PRKN: variants seen among roughly 807,000 people sequenced by gnomAD.
PRKN encodes the protein E3 ubiquitin-protein ligase parkin.
In PRKN, 56 loss-of-function variants were observed where a neutral mutation model predicts 59.5. That is an observed-to-expected ratio of 0.94 (90% CI 0.76 to 1.18). PRKN has a LOEUF of 1.18. Ranked by LOEUF, PRKN falls within the 50% of genes most tolerant of loss-of-function variation. The pLI, the probability that PRKN is intolerant of heterozygous loss-of-function variation, is 0.00. For synonymous variants in PRKN, 250 were observed against 222.1 expected, an observed-to-expected ratio of 1.13 and a Z score of -1.12; for missense variants, 657 against 596.4, an observed-to-expected ratio of 1.10 and a Z score of -1.06.
At chr6:162,016,427 T>G (rs1782937169) in intron 5 of PRKN, among the ~76,000 whole-genome samples, 1 of 152,114 alleles carries the variant, frequency 6.6e-6, no homozygotes, top group Admixed American at 6.5e-5. Context: ...TCCTCCTGTC[T>G]TTCTTCTTGT....
At chr6:162,221,025 A>C (rs2128080664) in intron 3 of PRKN, among the ~76,000 whole-genome samples, 1 of 152,194 alleles carries the variant, frequency 6.6e-6, no homozygotes, top group East Asian at 1.9e-4. Context: ...AAGAGCGGAG[A>C]ATGGTAATGT....
intron 2 of PRKN, among the ~76,000 whole-genome samples, chr6:162,281,205 G>A (rs1214753443): frequency 6.6e-6 from 1 of 151,028 alleles, no homozygotes; most frequent in African/African-American, 2.4e-5. Context: ...TCATAGGTGG[G>A]AATTGAACAA....
intron 3 of PRKN, among the ~76,000 whole-genome samples, chr6:162,226,094 T>C (rs1185775363): frequency 1.2e-5 from 1 of 80,874 alleles, no homozygotes. Flanking sequence ...ATAATAATAA[T>C]AATAAAATTA....
intron 7 of PRKN, among the ~76,000 whole-genome samples, chr6:161,594,445 A>G (rs1781842209): frequency 6.6e-6 from 1 of 152,216 alleles, no homozygotes. Flanking sequence ...TTTCAAGAAG[A>G]GTGGCAGGCC....
intron 1 of PRKN, among the ~76,000 whole-genome samples, chr6:162,479,327 G>A (rs1049289520): frequency 2.6e-5 from 4 of 151,950 alleles, no homozygotes; most frequent in Non-Finnish European, 4.4e-5. Context: ...CCAGGTTCAG[G>A]AGATTCTCCT....
At chr6:162,272,653 C>T (rs1284905661) in intron 2 of PRKN, among the ~76,000 whole-genome samples, 1 of 151,982 alleles carries the variant, frequency 6.6e-6, no homozygotes, top group East Asian at 1.9e-4. Flanking sequence ...TATACCTCCG[C>T]GATTGCAAAA....
chr6:161,832,587 GCACTC>G (rs1792549056), intron 6 of PRKN, among the ~76,000 whole-genome samples: 1 of 140,700 alleles, frequency 7.1e-6, no homozygotes. Flanking sequence ...TCATGCCGCT[GCACTC>G]CAGCCTGGGC....
chr6:161,608,214 C>A (rs1284351089), intron 7 of PRKN, among the ~76,000 whole-genome samples: 2 of 152,034 alleles, frequency 1.3e-5, no homozygotes, highest in Non-Finnish European at 2.9e-5. Flanking sequence ...CGTGATTATA[C>A]TAAGAGATTT....
intron 1 of PRKN, among the ~76,000 whole-genome samples, chr6:162,478,647 T>A (rs1792143037): frequency 6.6e-6 from 1 of 152,122 alleles, no homozygotes; most frequent in Admixed American, 6.5e-5. Flanking sequence ...ATTGCGTTGT[T>A]AGGGGATTTT....
intron 9 of PRKN, among the ~76,000 whole-genome samples, chr6:161,536,134 A>C (rs1009420435): frequency 6.6e-6 from 1 of 152,130 alleles, no homozygotes; most frequent in African/African-American, 2.4e-5. Flanking sequence ...ATTAAGAGAA[A>C]TAAATGCCTG....
chr6:162,439,272 T>C (rs1484943208), intron 2 of PRKN, among the ~76,000 whole-genome samples: 1 of 152,024 alleles, frequency 6.6e-6, no homozygotes, highest in African/African-American at 2.4e-5. Flanking sequence ...AACAGGCCAT[T>C]GTTGGGGATT....
At chr6:161,382,439 T>C (rs1161579550) in intron 10 of PRKN, among the ~76,000 whole-genome samples, 1 of 152,184 alleles carries the variant, frequency 6.6e-6, no homozygotes. Flanking sequence ...GAAATTGATC[T>C]CTTCTGCGGC....
chr6:161,893,952 A>G (rs1432483838), intron 6 of PRKN, among the ~76,000 whole-genome samples: 1 of 152,210 alleles, frequency 6.6e-6, no homozygotes, highest in Admixed American at 6.5e-5. Context: ...AAAGAAGAAC[A>G]CAAAATTATT....
At chr6:162,131,205 T>C (rs1781339070) in intron 4 of PRKN, among the ~76,000 whole-genome samples, 1 of 152,142 alleles carries the variant, frequency 6.6e-6, no homozygotes. Context: ...AGGCATTATA[T>C]ACACAGAAAT....
chr6:161,923,823 C>A (rs558186146), intron 6 of PRKN, among the ~76,000 whole-genome samples: 1 of 152,216 alleles, frequency 6.6e-6, no homozygotes, highest in South Asian at 2.1e-4. Context: ...ATGGAACTTG[C>A]GAGACCCTTC....
At chr6:162,163,727 C>A (rs1782857547) in intron 4 of PRKN, among the ~76,000 whole-genome samples, 1 of 149,154 alleles carries the variant, frequency 6.7e-6, no homozygotes, top group African/African-American at 2.5e-5. Flanking sequence ...TTCCGTCCAA[C>A]AGGGCTGTCA....
intron 1 of PRKN, among the ~76,000 whole-genome samples, chr6:162,566,374 T>C (rs189342192): frequency 4.0e-5 from 6 of 151,628 alleles, no homozygotes; most frequent in South Asian, 2.1e-4. Context: ...TCAAACAAAA[T>C]AGACAAATCT....
intron 4 of PRKN, among the ~76,000 whole-genome samples, chr6:162,168,273 G>T (rs1783079813): frequency 6.6e-6 from 1 of 151,988 alleles, no homozygotes; most frequent in African/African-American, 2.4e-5. Context: ...TTTATCATAG[G>T]TACAGGCTTA....
chr6:162,523,082 T>C (rs944177644), intron 1 of PRKN, among the ~76,000 whole-genome samples: 26 of 152,160 alleles, frequency 1.7e-4, no homozygotes, highest in African/African-American at 6.3e-4. Flanking sequence ...GGCTCAACTG[T>C]GTTCCCTCCT....
Sources: gnomAD v4.1 joint callset for allele counts (sites outside exome capture counted in the v4.1 genomes callset) on GRCh38, gnomAD v4.1.1 for gene constraint, MANE v1.5 for transcripts, NCBI Gene and HGNC (gene_info 2026-07-23, HGNC 2026-07-21) for gene names.